Variants in FAT3 observed in about 807,000 individuals in gnomAD.
The protein encoded by FAT3 is protocadherin Fat 3.
FAT3 carries 95 observed loss-of-function variants against 310.2 expected under a neutral mutation model. That is an observed-to-expected ratio of 0.31 (90% confidence interval 0.26 to 0.36). FAT3 has a LOEUF of 0.36. Ranked by LOEUF, FAT3 falls within the 10% of genes least tolerant of loss-of-function variation. FAT3 has a pLI of 1.00. For synonymous variants in FAT3, 2,314 were observed against 2,192.9 expected (o/e 1.06, Z -1.54); for missense variants, 5,408 against 5,715.6 (o/e 0.95, Z 1.74).
chr11:92,832,037 A>G, intron 14 of FAT3, 26 bp downstream of exon 14: 2 of 1,509,232 alleles, frequency 1.3e-6, no homozygotes, highest in Non-Finnish European at 1.8e-6. Context: ...TGTACTTAGA[A>G]TACAGAGCTT....
intron 3 of FAT3, among the ~76,000 whole-genome samples, chr11:92,647,717 C>G (rs1374968575): frequency 6.6e-6 from 1 of 152,060 alleles, no homozygotes; most frequent in Non-Finnish European, 1.5e-5. Context: ...AACCAATAAA[C>G]TATCAATTAA....
intron 3 of FAT3, among the ~76,000 whole-genome samples, chr11:92,599,237 G>T (rs1156939525): frequency 2.0e-5 from 3 of 152,124 alleles, no homozygotes; most frequent in East Asian, 3.9e-4. Flanking sequence ...TGCATGGCTG[G>T]GGAGGCCTCA....
intron 3 of FAT3, among the ~76,000 whole-genome samples, chr11:92,602,084 T>C (rs988700685): frequency 6.6e-6 from 1 of 151,998 alleles, no homozygotes; most frequent in African/African-American, 2.4e-5. Flanking sequence ...TTAATTTTTT[T>C]TTTTTTGAGA....
chr11:92,562,544 G>A (rs1389602830), intron 3 of FAT3, among the ~76,000 whole-genome samples: 5 of 152,168 alleles, frequency 3.3e-5, no homozygotes, highest in Non-Finnish European at 5.9e-5. Flanking sequence ...TATATGAGGA[G>A]ATTTATTATG....
rs1433353439 is a variant in FAT3, at chr11:92,567,763, A to C, written c.3607+42815A>C. ...GACATGGATGAAATTGGAAATCATC[A>C]TTCTCAGTAAACTTTCGCAAGAGCA... On this transcript the variant is annotated intron_variant, in intron 3 of 27. Coordinates refer to ENST00000525166, the MANE Select transcript of FAT3 (RefSeq NM_001367949.2). Among the ~76,000 whole-genome samples the C allele has an allele frequency of 4.6e-5, 7 of 152,276 alleles. No homozygotes were observed. The East Asian group carries it at 1.4e-3, about 29-fold the overall frequency.
At chr11:92,480,261 TC>T (rs1952183558) in intron 2 of FAT3, among the ~76,000 whole-genome samples, 1 of 151,934 alleles carries the variant, frequency 6.6e-6, no homozygotes, top group African/African-American at 2.4e-5. Flanking sequence ...TGAGACTCTG[TC>T]TCAAAAAACA....
intron 2 of FAT3, among the ~76,000 whole-genome samples, chr11:92,363,991 T>C (rs145956893): frequency 9.1e-4 from 139 of 152,224 alleles, no homozygotes; most frequent in Middle Eastern, 3.4e-3. Context: ...TTTTTTTAAC[T>C]GTGGGCTGAG....
At chr11:92,790,852 G>A (rs373855492) in intron 8 of FAT3, among the ~76,000 whole-genome samples, 1 of 152,122 alleles carries the variant, frequency 6.6e-6, no homozygotes, top group Non-Finnish European at 1.5e-5. Context: ...GAGAAACATC[G>A]TTGATTAATT....
chr11:92,230,226 G>A (rs1212142936), intron 1 of FAT3, among the ~76,000 whole-genome samples: 3 of 63,634 alleles, frequency 4.7e-5, no homozygotes, highest in Non-Finnish European at 9.3e-5. Flanking sequence ...AAAGTCACAT[G>A]GAATTTAAAA....
chr11:92,574,363 C>A (rs1591472647), intron 3 of FAT3, among the ~76,000 whole-genome samples: 1 of 152,120 alleles, frequency 6.6e-6, no homozygotes, highest in African/African-American at 2.4e-5. Context: ...ATGAATCCAC[C>A]CCCTCCAAAT....
chr11:92,802,801 T>C (rs1360752880), intron 10 of FAT3, among the ~76,000 whole-genome samples: 2 of 152,134 alleles, frequency 1.3e-5, no homozygotes, highest in Admixed American at 1.3e-4. Context: ...ACTACATCAT[T>C]CAGAGTGAAA....
rs2136084296 is a variant in FAT3 at position 92,761,949 on chromosome 11, C to G, written c.3763C>G (p.Pro1255Ala). Residue 1255 changes from proline (P) to alanine (A), a missense_variant, in exon 5 of 28, where the codon CCA becomes GCA. Pro to Ala is a conservative substitution (Grantham distance 27). Transcript: ENST00000525166. ...LDENDNKPQF[P>A]EKVYQIKLPE... ...TGAAAATGACAACAAGCCCCAGTTC[C>G]CAGAGAAGGTCTACCAGATCAAGCT... The G allele has an allele frequency of 1.2e-6, 2 of 1,613,888 alleles. No individual in the cohort carries two copies. The highest frequency in any genetic ancestry group is 1.7e-6 in the Non-Finnish European group (2 of 1,179,864).
rs781345146 is a variant in FAT3 at position 92,887,030 on chromosome 11, C to T, written c.12968C>T (p.Thr4323Ile). 3.7e-6 allele frequency: 6 copies of T among 1,609,704 alleles called. No homozygotes were observed. Among genetic ancestry groups the T allele is most frequent in the Non-Finnish European group, 5.1e-6 (6 of 1,178,322 alleles). ...NKGVDDPGEV[T>I]CFAGSNKGSN... is the part of the protein sequence containing the mutation. ...GGGGTTGATGACCCGGGAGAAGTGA[C>T]CTGCTTTGCAGGTAGTAATAAAGGC... is the stretch of plus-strand genomic sequence containing the variant. The change falls in exon 25 of 28, where the codon ACC (threonine) becomes ATC (isoleucine). Residue 4323 changes from threonine to isoleucine, a missense_variant. Thr to Ile is a moderately conservative substitution (Grantham distance 89). Around this residue, in one of 5 missense-constraint regions of FAT3, gnomAD observed 649 missense variants for 666.2 expected, o/e 0.97. Transcript: ENST00000525166.
intron 2 of FAT3, among the ~76,000 whole-genome samples, chr11:92,451,177 G>T (rs906557047): frequency 9.2e-5 from 14 of 152,106 alleles, no homozygotes; most frequent in Admixed American, 2.0e-4. Flanking sequence ...TTGCCTTACT[G>T]CCTTCTTCAC....
chr11:92,733,119 G>T (rs56086241), intron 4 of FAT3, among the ~76,000 whole-genome samples: 12 of 152,288 alleles, frequency 7.9e-5, no homozygotes, highest in Admixed American at 1.3e-4. Flanking sequence ...GTTACACAAG[G>T]GTAGCAAAGA....
At chr11:92,326,763 T>C (rs1273642058) in intron 1 of FAT3, among the ~76,000 whole-genome samples, 4 of 152,232 alleles carry the variant, frequency 2.6e-5, no homozygotes, top group African/African-American at 9.6e-5. Flanking sequence ...CCTCTATCCC[T>C]GCTTCATCAG....
intron 3 of FAT3, among the ~76,000 whole-genome samples, chr11:92,685,921 G>A (rs1943624202): frequency 6.6e-6 from 1 of 152,134 alleles, no homozygotes. Context: ...GAGTTATAAA[G>A]CAGTTATAAA....
chr11:92,568,155 T>A (rs1348076746), intron 3 of FAT3, among the ~76,000 whole-genome samples: 1 of 152,160 alleles, frequency 6.6e-6, no homozygotes, highest in Non-Finnish European at 1.5e-5. Flanking sequence ...AACAAATCAA[T>A]AAGGTGTCTG....
intron 2 of FAT3, among the ~76,000 whole-genome samples, chr11:92,456,683 T>C (rs144427481): frequency 0.012 from 1,765 of 152,346 alleles, 25 homozygotes; most frequent in Middle Eastern, 0.017. Context: ...AAAAATAGAA[T>C]TATACTATTC....
Sources: gnomAD v4.1 joint callset for allele counts (sites outside exome capture counted in the v4.1 genomes callset) on GRCh38, gnomAD v4.1.1 for gene constraint, gnomAD v4.1.1 regional missense constraint, MANE v1.5 for transcripts, NCBI Gene and HGNC (gene_info 2026-07-23, HGNC 2026-07-21) for gene names.